Variants in SLC4A4 observed in about 807,000 individuals in gnomAD.
SLC4A4 encodes solute carrier family 4 member 4.
A neutral mutation model predicts 111.5 loss-of-function variants in SLC4A4; 27 were observed. The ratio of observed to expected loss-of-function variants is 0.24; its 90% CI spans 0.18 to 0.33. The LOEUF (loss-of-function observed/expected upper bound fraction) is 0.33. SLC4A4 is among the 10% of genes least tolerant of loss of function. The pLI is 1.00. For synonymous variants in SLC4A4, 443 were observed against 463.4 expected, an observed-to-expected ratio of 0.96 and a Z score of 0.57; for missense variants, 909 against 1,315.5, an observed-to-expected ratio of 0.69 and a Z score of 4.78.
At chr4:71,188,541 C>A (rs1745594457) in intron 1 of SLC4A4, among the ~76,000 whole-genome samples, 1 of 152,192 alleles carries the variant, frequency 6.6e-6, no homozygotes, top group Admixed American at 6.5e-5. Context: ...AGTTCCTTTC[C>A]TAAGAGACAC....
At chr4:71,362,882 C>T (rs1005610158) in intron 6 of SLC4A4, among the ~76,000 whole-genome samples, 3 of 152,144 alleles carry the variant, frequency 2.0e-5, no homozygotes, top group African/African-American at 4.8e-5. Flanking sequence ...TCCTGGTGCC[C>T]GTGGTCTCCT....
chr4:71,420,033 A>T (rs1406681039), intron 7 of SLC4A4, among the ~76,000 whole-genome samples: 6 of 152,208 alleles, frequency 3.9e-5, no homozygotes, highest in African/African-American at 1.4e-4. Flanking sequence ...AGACGATCAA[A>T]CAACGAGCTA....
intron 2 of SLC4A4, among the ~76,000 whole-genome samples, chr4:71,138,522 G>A (rs4694381): frequency 6.6e-6 from 1 of 151,972 alleles, no homozygotes; most frequent in Admixed American, 6.5e-5. Context: ...CATCTCACTC[G>A]GTTCATATTA....
intron 3 of SLC4A4, among the ~76,000 whole-genome samples, chr4:71,316,665 T>G (rs1726708766): frequency 1.3e-5 from 2 of 152,134 alleles, no homozygotes; most frequent in Admixed American, 1.3e-4. Context: ...ACGTAGGTAT[T>G]AAGCCCTGCA....
At chr4:71,272,945 C>G (rs1360963035) in intron 3 of SLC4A4, among the ~76,000 whole-genome samples, 2 of 152,080 alleles carry the variant, frequency 1.3e-5, no homozygotes, top group Non-Finnish European at 2.9e-5. Context: ...TAGAATGGTT[C>G]TTTTTGACAG....
chr4:71,345,521 C>G (rs1729250293), intron 4 of SLC4A4, among the ~76,000 whole-genome samples: 1 of 152,122 alleles, frequency 6.6e-6, no homozygotes, highest in Non-Finnish European at 1.5e-5. Context: ...CAAGTTTCAA[C>G]AAACACAAGC....
intron 16 of SLC4A4, among the ~76,000 whole-genome samples, chr4:71,505,096 T>C (rs1434181497): frequency 6.6e-6 from 1 of 152,200 alleles, no homozygotes; most frequent in African/African-American, 2.4e-5. Flanking sequence ...TTTCATGGTG[T>C]ATATGTACCA....
At chr4:71,138,277 C>A (rs1315046198) in intron 2 of SLC4A4, among the ~76,000 whole-genome samples, 1 of 152,130 alleles carries the variant, frequency 6.6e-6, no homozygotes, top group Non-Finnish European at 1.5e-5. Context: ...GCTTGCCTCA[C>A]TAATCAATTT....
At chr4:71,459,466 A>G (rs1160914470) in intron 12 of SLC4A4, among the ~76,000 whole-genome samples, 2 of 152,066 alleles carry the variant, frequency 1.3e-5, no homozygotes, top group Non-Finnish European at 1.5e-5. Flanking sequence ...GACATAAAGG[A>G]TGCTGTTACA....
At chr4:71,359,586 A>AT (rs1730576894) in intron 6 of SLC4A4, among the ~76,000 whole-genome samples, 1 of 152,186 alleles carries the variant, frequency 6.6e-6, no homozygotes, top group Non-Finnish European at 1.5e-5. Flanking sequence ...GGGTTTAATT[A>AT]CTTAATATCT....
At chr4:71,139,642 C>A (rs922443323) in intron 2 of SLC4A4, among the ~76,000 whole-genome samples, 1 of 152,174 alleles carries the variant, frequency 6.6e-6, no homozygotes, top group East Asian at 1.9e-4. Flanking sequence ...CTTCCAGATT[C>A]GTATAGTTTG....
chr4:71,154,375 G>T (rs1425060461), intron 2 of SLC4A4, among the ~76,000 whole-genome samples: 1 of 152,198 alleles, frequency 6.6e-6, no homozygotes, highest in African/African-American at 2.4e-5. Context: ...TTCATTGGAA[G>T]AAAGTAGAGA....
chr4:71,485,896 G>A (rs1729345555), intron 14 of SLC4A4, among the ~76,000 whole-genome samples: 1 of 151,444 alleles, frequency 6.6e-6, no homozygotes, highest in Non-Finnish European at 1.5e-5. Flanking sequence ...CAGTGAATGA[G>A]ATAAGCTTCT....
At chr4:71,381,527 T>G (rs554838877) in intron 6 of SLC4A4, among the ~76,000 whole-genome samples, 1 of 152,184 alleles carries the variant, frequency 6.6e-6, no homozygotes, top group African/African-American at 2.4e-5. Flanking sequence ...TCCTTCTCCC[T>G]TTAGTGGCGA....
At chr4:71,292,866 C>T (rs1457646531) in intron 3 of SLC4A4, among the ~76,000 whole-genome samples, 2 of 109,978 alleles carry the variant, frequency 1.8e-5, no homozygotes, top group Non-Finnish European at 3.4e-5. Flanking sequence ...TTTTTTGAGA[C>T]AGTCTCACTC....
At chr4:71,479,677 A>G (rs765011764) in intron 14 of SLC4A4, among the ~76,000 whole-genome samples, 3 of 151,818 alleles carry the variant, frequency 2.0e-5, no homozygotes, top group Non-Finnish European at 2.9e-5. Flanking sequence ...ACAAGGAAGT[A>G]TAAGTTCTTC....
chr4:71,138,879 A>G (rs1743917533), intron 2 of SLC4A4, among the ~76,000 whole-genome samples: 1 of 151,886 alleles, frequency 6.6e-6, no homozygotes, highest in Non-Finnish European at 1.5e-5. Context: ...TACTGAAAAT[A>G]TAAAAAATTA....
chr4:71,296,128 T>C (rs991235120), intron 3 of SLC4A4, among the ~76,000 whole-genome samples: 1 of 152,174 alleles, frequency 6.6e-6, no homozygotes, highest in Non-Finnish European at 1.5e-5. Context: ...TTCATTTTCT[T>C]TCTTTTTATA....
intron 7 of SLC4A4, among the ~76,000 whole-genome samples, chr4:71,426,430 A>G (rs187484293): frequency 3.3e-5 from 5 of 152,256 alleles, no homozygotes; most frequent in Non-Finnish European, 4.4e-5. Context: ...CTACTTCCCC[A>G]TGTATGGAAT....
Sources: gnomAD v4.1 joint callset for allele counts (sites outside exome capture counted in the v4.1 genomes callset) on GRCh38, gnomAD v4.1.1 for gene constraint, MANE v1.5 for transcripts, NCBI Gene and HGNC (gene_info 2026-07-23, HGNC 2026-07-21) for gene names.